The following GALNTL6 variants were observed in gnomAD, a reference collection of about 807,000 sequenced individuals.
GALNTL6 encodes the protein polypeptide N-acetylgalactosaminyltransferase like 6, also known as polypeptide N-acetylgalactosaminyltransferase-like 6.
Under a neutral mutation model 73.7 loss-of-function variants are expected in GALNTL6, and 46 were observed. That is an observed-to-expected ratio of 0.62 (90% CI 0.49 to 0.80). The LOEUF (loss-of-function observed/expected upper bound fraction) is 0.80. GALNTL6 is among the 30% of genes least tolerant of loss of function. The pLI is 0.00. For missense variants in GALNTL6, 604 were observed against 755.0 expected, an observed-to-expected ratio of 0.80 and a Z score of 2.34; for synonymous variants, 259 against 263.7, an observed-to-expected ratio of 0.98 and a Z score of 0.17.
intron 2 of GALNTL6, among the ~76,000 whole-genome samples, chr4:171,869,244 G>A (rs991571901): frequency 6.6e-6 from 1 of 152,136 alleles, no homozygotes; most frequent in African/African-American, 2.4e-5. Flanking sequence ...TAGAAAGAAA[G>A]AGAAAAGGAA....
chr4:172,013,459 T>G (rs375389091), intron 2 of GALNTL6, among the ~76,000 whole-genome samples: 48 of 150,978 alleles, frequency 3.2e-4, no homozygotes, highest in South Asian at 1.3e-3. Context: ...TGTCCTCGAG[T>G]GTCATCCATA....
At chr4:171,956,522 T>C (rs1739055029) in intron 2 of GALNTL6, among the ~76,000 whole-genome samples, 1 of 152,208 alleles carries the variant, frequency 6.6e-6, no homozygotes, top group African/African-American at 2.4e-5. Flanking sequence ...GCCAATACGT[T>C]TAGCAAAACT....
At chr4:172,828,169 G>T (rs545975931) in intron 7 of GALNTL6, among the ~76,000 whole-genome samples, 2 of 151,464 alleles carry the variant, frequency 1.3e-5, no homozygotes, top group Non-Finnish European at 1.5e-5. Context: ...CTACTTGAGA[G>T]GCTGAGGTGG....
At chr4:172,730,153 T>A (rs1178317080) in intron 5 of GALNTL6, among the ~76,000 whole-genome samples, 1 of 152,220 alleles carries the variant, frequency 6.6e-6, no homozygotes, top group African/African-American at 2.4e-5. Flanking sequence ...TTTTTCTAAA[T>A]GTAAGAGTGT....
At chr4:172,819,284 C>A (rs1236874154) in intron 7 of GALNTL6, among the ~76,000 whole-genome samples, 1 of 152,246 alleles carries the variant, frequency 6.6e-6, no homozygotes, top group Non-Finnish European at 1.5e-5. Flanking sequence ...TGCAGACTCT[C>A]TTTCTTGTAT....
intron 3 of GALNTL6, among the ~76,000 whole-genome samples, chr4:172,249,825 G>A (rs1348060134): frequency 6.6e-6 from 1 of 152,204 alleles, no homozygotes; most frequent in Non-Finnish European, 1.5e-5. Context: ...AGGATGTATG[G>A]AAACACCTGG....
intron 4 of GALNTL6, among the ~76,000 whole-genome samples, chr4:172,334,672 GA>G (rs934452808): frequency 1.1e-4 from 17 of 152,078 alleles, no homozygotes; most frequent in African/African-American, 2.7e-4. Context: ...CATCAGAGAA[GA>G]AAAAAAATTT....
At chr4:172,385,256 G>C (rs1386904107) in intron 5 of GALNTL6, among the ~76,000 whole-genome samples, 1 of 151,856 alleles carries the variant, frequency 6.6e-6, no homozygotes, top group Non-Finnish European at 1.5e-5. Flanking sequence ...AATATATTCT[G>C]CTATGATTGC....
chr4:172,719,015 C>A (rs1057467402), intron 5 of GALNTL6, among the ~76,000 whole-genome samples: 5 of 152,148 alleles, frequency 3.3e-5, no homozygotes, highest in African/African-American at 1.2e-4. Context: ...ATTTAAATTA[C>A]AACATCACAA....
At chr4:172,217,432 T>TA (rs1736530180) in intron 2 of GALNTL6, among the ~76,000 whole-genome samples, 1 of 152,138 alleles carries the variant, frequency 6.6e-6, no homozygotes, top group South Asian at 2.1e-4. Flanking sequence ...TTGGGCAAGA[T>TA]AAAAAAATAT....
At position 172,070,305 on chromosome 4, in the gene GALNTL6, T is replaced by TA. The variant is rs1196894014; in HGVS notation, c.139-159350dup. On this transcript the variant is annotated intron_variant, in intron 2 of 12. Transcript: ENST00000506823. The stretch of plus-strand genomic sequence containing the variant: ...AGGTTAAACAACAAGAGAAAGAAAT[T>TA]AGAGTTCAATAAAGCAAAAACAGAA... Among the ~76,000 whole-genome samples, 4 of 110,250 alleles carry TA rather than the reference T, an allele frequency of 3.6e-5. 2 individuals carry two copies. Among genetic ancestry groups the TA allele is most frequent in the African/African-American group, 1.4e-4 (4 of 29,326 alleles). 72.3% of individuals were successfully genotyped at this position (110,250 alleles called of 152,430 possible). A position where few individuals can be genotyped will look rare whatever the true frequency, so the allele number is the denominator to read the frequency against.
intron 2 of GALNTL6, among the ~76,000 whole-genome samples, chr4:172,136,856 A>G (rs1234406142): frequency 2.6e-5 from 4 of 152,066 alleles, no homozygotes; most frequent in Admixed American, 6.6e-5. Flanking sequence ...AGAAAGAGTC[A>G]AGCTACGATT....
At chr4:172,171,600 A>G (rs950341917) in intron 2 of GALNTL6, among the ~76,000 whole-genome samples, 2 of 151,138 alleles carry the variant, frequency 1.3e-5, no homozygotes, top group Non-Finnish European at 2.9e-5. Context: ...AGGCTGAGGC[A>G]GGGGGATCGG....
chr4:172,705,402 A>T (rs888565220), intron 5 of GALNTL6, among the ~76,000 whole-genome samples: 2 of 151,588 alleles, frequency 1.3e-5, no homozygotes, highest in Admixed American at 6.6e-5. Flanking sequence ...AAGTTATTTT[A>T]AACGGATAAC....
chr4:172,739,079 A>G (rs1736642109), intron 5 of GALNTL6, among the ~76,000 whole-genome samples: 2 of 152,186 alleles, frequency 1.3e-5, no homozygotes, highest in Admixed American at 1.3e-4. Context: ...AGTGAGGCAT[A>G]TCCCACCCCC....
intron 5 of GALNTL6, among the ~76,000 whole-genome samples, chr4:172,686,374 T>C (rs551911194): frequency 1.3e-5 from 2 of 152,276 alleles, no homozygotes; most frequent in South Asian, 4.1e-4. Flanking sequence ...AAGTGATTCA[T>C]TCATACAGTA....
At chr4:172,810,409 T>G (rs1168247026) in intron 6 of GALNTL6, among the ~76,000 whole-genome samples, 1 of 152,236 alleles carries the variant, frequency 6.6e-6, no homozygotes, top group East Asian at 1.9e-4. Context: ...AAGTTCTTGG[T>G]GCACACAGTG....
At chr4:172,783,613 C>T (rs1189149994) in intron 5 of GALNTL6, among the ~76,000 whole-genome samples, 1 of 151,410 alleles carries the variant, frequency 6.6e-6, no homozygotes, top group East Asian at 1.9e-4. Context: ...CACAATTTAT[C>T]GTACAGTTCT....
intron 5 of GALNTL6, among the ~76,000 whole-genome samples, chr4:172,782,208 G>A (rs1739404495): frequency 6.6e-6 from 1 of 151,920 alleles, no homozygotes; most frequent in Admixed American, 6.6e-5. Context: ...TATCAACATG[G>A]GGCAAACACA....
Sources: gnomAD v4.1 joint callset for allele counts (sites outside exome capture counted in the v4.1 genomes callset) on GRCh38, gnomAD v4.1.1 for gene constraint, MANE v1.5 for transcripts, NCBI Gene and HGNC (gene_info 2026-07-23, HGNC 2026-07-21) for gene names.